Variants in ZBTB46 observed in about 807,000 individuals in gnomAD.
The protein encoded by ZBTB46 is zinc finger and BTB domain containing 46, also known as zinc finger and BTB domain-containing protein 46.
Under a neutral mutation model 44.1 loss-of-function variants are expected in ZBTB46, and 8 were observed. The observed-to-expected ratio is 0.18, with a 90% confidence interval of 0.11 to 0.33. ZBTB46 has a LOEUF of 0.33. ZBTB46 is among the 10% of genes least tolerant of loss of function. The pLI, the probability that ZBTB46 is intolerant of heterozygous loss-of-function variation, is 1.00. For synonymous variants in ZBTB46, 409 were observed against 382.3 expected (o/e 1.07, Z -0.81); for missense variants, 651 against 847.7 (o/e 0.77, Z 2.88).
chr20:63,826,070 G>C (rs143584140), intron 1 of ZBTB46, among the ~76,000 whole-genome samples: 1 of 152,234 alleles, frequency 6.6e-6, no homozygotes, highest in African/African-American at 2.4e-5. Context: ...CTCCACAGAG[G>C]AGCACCGACG....
intron 1 of ZBTB46, among the ~76,000 whole-genome samples, chr20:63,800,574 G>C (rs1465867053): frequency 6.6e-6 from 1 of 152,248 alleles, no homozygotes; most frequent in Non-Finnish European, 1.5e-5. Context: ...GAGAGGCGTG[G>C]GCGGGAACCG....
In ZBTB46 at chr20:63,764,041, T is replaced by G. The variant is rs1441990818; in HGVS notation, c.1223-11180A>C. On this transcript the variant is annotated intron_variant, in intron 3 of 4. Coordinates refer to ENST00000245663, the MANE Select transcript of ZBTB46 (RefSeq NM_001369741.1). ...TGGAGTGCAGCAGTGCAGCCACAAC[T>G]CACACCAGCCTCGACCTCCTGGGCT... Among the ~76,000 whole-genome samples the G allele has an allele frequency of 2.0e-5, 3 of 151,746 alleles. No homozygotes were observed. The East Asian group carries it at 5.8e-4, about 29-fold the overall frequency.
chr20:63,798,673 T>TAAAAAAAAAAAAAAAAAAA (rs1568882836), intron 1 of ZBTB46, among the ~76,000 whole-genome samples: 1 of 2,026 alleles, frequency 4.9e-4, no homozygotes, highest in African/African-American at 1.8e-3. Context: ...AGACTCTGTC[T>TAAAAAAAAAAAAAAAAAAA]CAAAAAAAAA....
intron 1 of ZBTB46, among the ~76,000 whole-genome samples, chr20:63,813,815 A>C (rs2092731592): frequency 6.6e-6 from 1 of 152,204 alleles, no homozygotes; most frequent in Non-Finnish European, 1.5e-5. Flanking sequence ...ACAGTCAAGA[A>C]CGCTGAGCCC....
chr20:63,763,858 T>C (rs1333847216), intron 3 of ZBTB46, among the ~76,000 whole-genome samples: 1 of 152,236 alleles, frequency 6.6e-6, no homozygotes, highest in Non-Finnish European at 1.5e-5. Context: ...GTCATATGTT[T>C]TGCTTCTATT....
At chr20:63,810,522 G>A (rs1331610017) in intron 1 of ZBTB46, among the ~76,000 whole-genome samples, 2 of 152,152 alleles carry the variant, frequency 1.3e-5, no homozygotes, top group African/African-American at 4.8e-5. Flanking sequence ...GAGACAGGTG[G>A]ATCATATGAG....
At chr20:63,805,822 C>CTCGGCTCACTGAAGCCT (rs1167591137) in intron 1 of ZBTB46, among the ~76,000 whole-genome samples, 82 of 151,776 alleles carry the variant, frequency 5.4e-4, no homozygotes, top group Non-Finnish European at 9.0e-4. Flanking sequence ...GTGGCACGAT[C>CTCGGCTCACTGAAGCCT]TCGGCTCACT....
chr20:63,790,988 C>T, intron 1 of ZBTB46, 198 bp from the exon 2 acceptor site: 1 of 681,898 alleles, frequency 1.5e-6, no homozygotes, highest in South Asian at 2.2e-5. Flanking sequence ...CGGAGGGCAC[C>T]AGTGCGTCCA....
chr20:63,820,321 G>T (rs1359983116), intron 1 of ZBTB46, among the ~76,000 whole-genome samples: 2 of 151,834 alleles, frequency 1.3e-5, no homozygotes, highest in Non-Finnish European at 2.9e-5. Flanking sequence ...GGATGGTCTC[G>T]ATCTCCTGAC....
chr20:63,756,988 G>A (rs1383890565), intron 3 of ZBTB46, among the ~76,000 whole-genome samples: 1 of 152,254 alleles, frequency 6.6e-6, no homozygotes. Context: ...TGTTGGGCAT[G>A]CCCTGGCGGG....
At chr20:63,832,602 C>T (rs1408064148), upstream of ZBTB46, among the ~76,000 whole-genome samples, 6 of 152,214 alleles carry the variant, frequency 3.9e-5, no homozygotes, top group Non-Finnish European at 8.8e-5. The surrounding 1 kb of genome is among the most constrained non-coding windows in gnomAD (Gnocchi z 5.0). Flanking sequence ...ACGCCTGGGA[C>T]ACTCCCTTAC....
At chr20:63,772,603 C>T (rs1000412498) in intron 3 of ZBTB46, among the ~76,000 whole-genome samples, 1 of 152,110 alleles carries the variant, frequency 6.6e-6, no homozygotes, top group African/African-American at 2.4e-5. Context: ...TCTGTAGTCC[C>T]AGCTACTTGG....
At chr20:63,801,296 A>C (rs2092642634) in intron 1 of ZBTB46, among the ~76,000 whole-genome samples, 2 of 152,230 alleles carry the variant, frequency 1.3e-5, no homozygotes, top group African/African-American at 4.8e-5. Flanking sequence ...TGAATGCACC[A>C]ATCAGTGCTC....
rs1023433021 is a variant in ZBTB46, at chr20:63,752,982, A to G, written c.1223-121T>C. On this transcript the variant is annotated intron_variant, in intron 3 of 4. Coordinates refer to ENST00000245663, the MANE Select transcript of ZBTB46 (RefSeq NM_001369741.1). This position sits in a 1 kb window ranked among gnomAD's most constrained non-coding sequence, Gnocchi z 5.6. ...GACGGGCTGTCTCCCACGGCCACCC[A>G]CTGGGGGCTGGTCAGCACTGCGACA... is the stretch of plus-strand genomic sequence containing the variant. The G allele has an allele frequency of 3.6e-6, 4 of 1,113,710 alleles. No homozygotes were observed. The highest frequency in any genetic ancestry group is 5.0e-6 in the Non-Finnish European group (4 of 801,456). 69.0% of individuals were successfully genotyped at this position (1,113,710 alleles called of 1,614,324 possible). A position where few individuals can be genotyped will look rare whatever the true frequency, so the allele number is the denominator to read the frequency against.
chr20:63,749,529 G>A (rs1192311808), intron 4 of ZBTB46, among the ~76,000 whole-genome samples: 2 of 152,072 alleles, frequency 1.3e-5, no homozygotes, highest in African/African-American at 4.8e-5. Flanking sequence ...GTAGAGACGG[G>A]GTTTCACCGT....
chr20:63,798,703 C>T (rs1298183375), intron 1 of ZBTB46, among the ~76,000 whole-genome samples: 1 of 47,054 alleles, frequency 2.1e-5, no homozygotes, highest in Non-Finnish European at 4.1e-5. Context: ...ATTAGCTGGG[C>T]ATGGTAGTGC....
intron 3 of ZBTB46, among the ~76,000 whole-genome samples, chr20:63,766,788 G>T (rs987870617): frequency 6.6e-6 from 1 of 152,222 alleles, no homozygotes; most frequent in Non-Finnish European, 1.5e-5. Flanking sequence ...ACCAGGGGAG[G>T]CTCCAGCAGA....
rs956834122 is a variant in ZBTB46, at chr20:63,774,838, G to A, written c.1222+840C>T. On this transcript the variant is annotated intron_variant, in intron 3 of 4. Transcript: ENST00000245663. ...CCTGCCTCAGTCTCCCGAGTAGCTG[G>A]GACTACAGGCGCCCGCCACCACGCC... 4.6e-5 allele frequency among the ~76,000 whole-genome samples: 7 copies of A among 150,776 alleles called. No homozygotes were observed. The East Asian group carries it at 1.2e-3, about 25-fold the overall frequency.
chr20:63,826,706 C>G (rs1401390148), intron 1 of ZBTB46, among the ~76,000 whole-genome samples: 2 of 152,230 alleles, frequency 1.3e-5, no homozygotes, highest in Non-Finnish European at 1.5e-5. Flanking sequence ...GCCTGCGCGA[C>G]AGAGCGAGAC....
Sources: gnomAD v4.1 joint callset for allele counts (sites outside exome capture counted in the v4.1 genomes callset) on GRCh38, gnomAD v4.1.1 for gene constraint, Gnocchi (gnomAD v3.1) non-coding constraint, MANE v1.5 for transcripts, NCBI Gene and HGNC (gene_info 2026-07-23, HGNC 2026-07-21) for gene names.